HSPA9: variants seen among roughly 807,000 people sequenced by gnomAD.
HSPA9 encodes the protein stress-70 protein, mitochondrial.
In HSPA9, 28 loss-of-function variants were observed where a neutral mutation model predicts 81.5. The ratio of observed to expected loss-of-function variants is 0.34; its 90% CI spans 0.25 to 0.47. The LOEUF (loss-of-function observed/expected upper bound fraction) is 0.47. Ranked by LOEUF, HSPA9 falls within the 20% of genes least tolerant of loss-of-function variation. The pLI, the probability that HSPA9 is intolerant of heterozygous loss-of-function variation, is 1.00. For missense variants in HSPA9, 678 were observed against 838.0 expected, an observed-to-expected ratio of 0.81 and a Z score of 2.36; for synonymous variants, 293 against 290.4, an observed-to-expected ratio of 1.01 and a Z score of -0.09.
intron 14 of HSPA9, 43 bp from the exon 15 acceptor site, chr5:138,556,909 C>A: frequency 1.4e-6 from 2 of 1,394,256 alleles, no homozygotes; most frequent in South Asian, 2.3e-5. Context: ...TCCAATCAAC[C>A]AAAGTTTGCT....
rs148730345 is a variant in HSPA9 at position 138,556,470 on chromosome 5, G to A, written c.1944C>T (p.Phe648=). 1,047 of 1,613,830 alleles carry A rather than the reference G, an allele frequency of 6.5e-4. No homozygotes were observed. Among genetic ancestry groups the A allele is most frequent in the Non-Finnish European group, 8.4e-4 (995 of 1,179,990 alleles). Reference sequence around the variant, plus strand: ...CTTGTACCTTTTTGTATGCCATTTCGAACAGCTTCAGTGATGCCTGCTGAA... The same window carrying A: ...CTTGTACCTTTTTGTATGCCATTTCAAACAGCTTCAGTGATGCCTGCTGAA... ...SSLQQASLKL[F]EMAYKKMASE... The change falls in exon 16 of 17, where the codon TTC becomes TTT. Residue 648 remains phenylalanine (F), a synonymous_variant. Coordinates refer to ENST00000297185, the MANE Select transcript of HSPA9 (RefSeq NM_004134.7).
intron 13 of HSPA9, 34 bp downstream of exon 13, chr5:138,557,835 T>A (rs777400747): frequency 2.3e-6 from 3 of 1,323,402 alleles, no homozygotes; most frequent in Non-Finnish European, 3.3e-6. Context: ...CTCCCTCACC[T>A]CACTCTTAGG....
chr5:138,566,520 C>CA (rs1233178519), intron 9 of HSPA9, 106 bp downstream of exon 9: 27 of 861,558 alleles, frequency 3.1e-5, no homozygotes, highest in Non-Finnish European at 3.5e-5. Context: ...AACAAACAAA[C>CA]AAAAAAAACT....
intron 3 of HSPA9, among the ~76,000 whole-genome samples, chr5:138,572,167 T>C (rs1750919148): frequency 6.6e-6 from 1 of 151,992 alleles, no homozygotes; most frequent in African/African-American, 2.4e-5. Context: ...TAGGGTGATC[T>C]TCAACTCCCA....
intron 4 of HSPA9, among the ~76,000 whole-genome samples, chr5:138,570,388 T>G (rs1318185979): frequency 6.6e-6 from 1 of 152,216 alleles, no homozygotes; most frequent in Admixed American, 6.5e-5. Context: ...ATGCCATTTC[T>G]GCCTTATGTA....
intron 13 of HSPA9, 135 bp from the exon 14 acceptor site, chr5:138,557,631 G>A: frequency 1.3e-6 from 1 of 749,038 alleles, no homozygotes; most frequent in Admixed American, 2.0e-5. Flanking sequence ...ATACCCTATA[G>A]TCCTATAAAG....
At position 138,560,115 on chromosome 5, in the gene HSPA9, T is replaced by A. The variant is rs780250299; in HGVS notation, c.1183-24A>T. The A allele has an allele frequency of 1.3e-5, 20 of 1,583,936 alleles. No homozygotes were observed. In the South Asian group the frequency reaches 2.0e-4, roughly 16 times the overall value. The stretch of plus-strand genomic sequence containing the variant: ...ACCTGAACATCAAGGAAAAAGAACC[T>A]GTCGGCCCACACTTGGGAACTACCT... On this transcript the variant is annotated intron_variant, in intron 10 of 16. Transcript: ENST00000297185.
intron 11 of HSPA9, chr5:138,558,909 AG>A: frequency 4.7e-6 from 2 of 429,714 alleles, no homozygotes; most frequent in Non-Finnish European, 4.4e-6. Flanking sequence ...AGTCCTCAAA[AG>A]GAACTAAAAT....
rs777051276 is a variant in HSPA9, at chr5:138,571,084, C to T, written c.286G>A (p.Asp96Asn). The change falls in exon 4 of 17, where the codon GAT becomes AAT. Residue 96 changes from aspartate (D) to asparagine (N), a missense_variant. Coordinates refer to ENST00000297185, the MANE Select transcript of HSPA9 (RefSeq NM_004134.7). ...TTPSVVAFTA[D>N]GERLVGMPAK... ...GGCATTCCAACAAGTCGCTCACCAT[C>T]TGCTGTAAAGGCCACAACTGAAGGG... is the stretch of plus-strand genomic sequence containing the variant. 2.5e-6 allele frequency: 4 copies of T among 1,614,192 alleles called. No homozygotes were observed. The South Asian group carries it at 4.4e-5, about 18-fold the overall frequency.
intron 9 of HSPA9, 102 bp downstream of exon 9, chr5:138,566,524 A>C (rs567246234): frequency 1.1e-5 from 10 of 888,470 alleles, no homozygotes; most frequent in East Asian, 2.4e-5. Flanking sequence ...AACAAACAAA[A>C]AAAACTCAAC....
chr5:138,557,682 C>G (rs1750557496), intron 13 of HSPA9, among the ~76,000 whole-genome samples, 186 bp from the exon 14 acceptor site: 1 of 152,196 alleles, frequency 6.6e-6, no homozygotes, highest in African/African-American at 2.4e-5. Context: ...CAAACACCAA[C>G]TGGCCTGTTT....
rs767821420 is a variant in HSPA9 at position 138,575,270 on chromosome 5, C to T, written c.49G>A (p.Ala17Thr). The T allele has an allele frequency of 7.4e-6, 12 of 1,610,960 alleles. No individual in the cohort carries two copies. Among genetic ancestry groups the T allele is most frequent in the Non-Finnish European group, 1.0e-5 (12 of 1,179,312 alleles). The change falls in exon 1 of 17, where the codon GCC (alanine) becomes ACC (threonine). Residue 17 changes from alanine (A) to threonine (T), a missense_variant. Ala to Thr is a moderately conservative substitution (Grantham distance 58). Transcript: ENST00000297185. The part of the protein sequence containing the change: ...AAAARLVGAA[A>T]SRGPTAARHQ... Reference sequence around the variant, plus strand: ...CGGGCGGCCGTAGGGCCCCGGGAGGCTGCGGCGCCCACGAGACGGGCTGCT... The same window carrying T: ...CGGGCGGCCGTAGGGCCCCGGGAGGTTGCGGCGCCCACGAGACGGGCTGCT...
intron 11 of HSPA9, 156 bp downstream of exon 11, chr5:138,559,708 C>T: frequency 3.0e-6 from 2 of 661,132 alleles, no homozygotes; most frequent in South Asian, 3.4e-5. Flanking sequence ...AAACAAAACA[C>T]AGGATTCTCA....
intron 12 of HSPA9, among the ~76,000 whole-genome samples, 196 bp from the exon 13 acceptor site, chr5:138,558,182 G>T (rs1047659880): frequency 6.6e-6 from 1 of 152,216 alleles, no homozygotes; most frequent in African/African-American, 2.4e-5. Flanking sequence ...TACCAGTGAA[G>T]TTTAGCTATA....
chr5:138,573,641 C>CA (rs57776368), intron 3 of HSPA9, 122 bp downstream of exon 3: 9,351 of 298,114 alleles, frequency 0.031, 239 homozygotes, highest in Non-Finnish European at 0.035. Context: ...AGACTGTCTC[C>CA]AAAAAAAAAA....
intron 9 of HSPA9, among the ~76,000 whole-genome samples, chr5:138,564,978 T>A (rs1013869375): frequency 1.3e-5 from 2 of 152,246 alleles, no homozygotes; most frequent in African/African-American, 4.8e-5. Context: ...TACTAATCTG[T>A]TCTAATTAAT....
intron 1 of HSPA9, 101 bp downstream of exon 1, chr5:138,575,137 T>C: frequency 1.3e-6 from 1 of 781,164 alleles, no homozygotes; most frequent in East Asian, 2.7e-5. Context: ...TGACCTATAC[T>C]GGAGAATTCA....
intron 14 of HSPA9, chr5:138,557,075 CAG>C (rs971834668): frequency 4.5e-5 from 28 of 621,374 alleles, no homozygotes; most frequent in East Asian, 8.3e-5. Flanking sequence ...ACAGGGAAAA[CAG>C]AAGAAATAAT....
At chr5:138,567,854 CT>C in intron 5 of HSPA9, 132 bp from the exon 6 acceptor site, 1 of 733,446 alleles carries the variant, frequency 1.4e-6, no homozygotes, top group South Asian at 1.5e-5. Flanking sequence ...CTAATATGTC[CT>C]TGCAGGAAAC....
Sources: allele counts gnomAD v4.1 joint callset (sites outside exome capture counted in the v4.1 genomes callset), GRCh38; gene constraint gnomAD v4.1.1; transcripts MANE v1.5; gene names NCBI Gene and HGNC (gene_info 2026-07-23, HGNC 2026-07-21).